The following RNF169 variants were observed in gnomAD, a reference collection of about 807,000 sequenced individuals.
RNF169 encodes the protein E3 ubiquitin-protein ligase RNF169.
RNF169 carries 24 observed loss-of-function variants against 53.9 expected under a neutral mutation model. The observed-to-expected ratio is 0.45, with a 90% CI of 0.32 to 0.63. The LOEUF (loss-of-function observed/expected upper bound fraction) is 0.63, where lower values mean the gene tolerates loss of function less well. RNF169 is among the 20% of genes least tolerant of loss of function. The pLI, the probability that RNF169 is intolerant of heterozygous loss-of-function variation, is 0.04. For missense variants in RNF169, 883 were observed against 906.2 expected, an observed-to-expected ratio of 0.97 and a Z score of 0.33; for synonymous variants, 396 against 363.5, an observed-to-expected ratio of 1.09 and a Z score of -1.02.
chr11:74,773,347 G>A (rs550692287), intron 1 of RNF169, among the ~76,000 whole-genome samples: 119 of 152,244 alleles, frequency 7.8e-4, no homozygotes, highest in African/African-American at 2.7e-3. Context: ...GAGATTTACT[G>A]TTCTGTTGCA....
At chr11:74,754,058 CAT>C (rs1218169070) in intron 1 of RNF169, among the ~76,000 whole-genome samples, 7 of 152,136 alleles carry the variant, frequency 4.6e-5, no homozygotes, top group African/African-American at 1.4e-4. Context: ...TATATATTGA[CAT>C]ATTAAATATT....
chr11:74,820,245 GGAA>G (rs2035991799), intron 4 of RNF169, among the ~76,000 whole-genome samples: 1 of 152,114 alleles, frequency 6.6e-6, no homozygotes, highest in Non-Finnish European at 1.5e-5. Flanking sequence ...GGAGTTTTAG[GGAA>G]GAAGTAGCAT....
chr11:74,750,456 T>C (rs2034869281), intron 1 of RNF169, among the ~76,000 whole-genome samples: 1 of 152,052 alleles, frequency 6.6e-6, no homozygotes, highest in Non-Finnish European at 1.5e-5. Context: ...AACCACAGGT[T>C]CTAGAATGCA....
rs890086052 is a variant in RNF169 at position 74,838,655 on chromosome 11, CA to C, written c.*1926del. On this transcript the variant is annotated 3_prime_UTR_variant, in exon 6 of 6. Coordinates refer to ENST00000299563, the MANE Select transcript of RNF169 (RefSeq NM_001098638.2). ...CATATGCAGATGTATGTTTTAAAAA[CA>C]TTTACCAAACTCATGATTTTGTAGT... The C allele has an allele frequency of 6.6e-6, 1 of 152,224 alleles. No individual in the cohort carries two copies. Among genetic ancestry groups the C allele is most frequent in the Non-Finnish European group, 1.5e-5 (1 of 68,038 alleles). The allele number at this position is 152,224 out of a possible 1,614,324, so 9.4% of individuals were successfully genotyped here.
At chr11:74,803,095 T>A (rs1329831297) in intron 2 of RNF169, among the ~76,000 whole-genome samples, 1 of 149,558 alleles carries the variant, frequency 6.7e-6, no homozygotes, top group Non-Finnish European at 1.5e-5. Context: ...TAATTTTCTT[T>A]TTTTTTTTTT....
chr11:74,790,062 G>T (rs1168439107), intron 2 of RNF169, among the ~76,000 whole-genome samples: 2 of 152,090 alleles, frequency 1.3e-5, no homozygotes, highest in Non-Finnish European at 2.9e-5. Context: ...ACATGTAGCT[G>T]GTGTTATCCA....
chr11:74,750,933 G>C (rs929156227), intron 1 of RNF169, among the ~76,000 whole-genome samples: 3 of 138,376 alleles, frequency 2.2e-5, no homozygotes, highest in African/African-American at 8.2e-5. Flanking sequence ...GAGTGCAGTG[G>C]CCAATCTCTC....
chr11:74,749,103 C>T lies in RNF169; in HGVS notation c.223C>T (p.Pro75Ser), dbSNP rs148370424. ...GGGCTGCGCCGGGTGCCTGGAGCCCCCCGGAGAAGCAGCGGCCCTGCCGTG... is the reference window on the plus strand; with the variant it reads ...GGGCTGCGCCGGGTGCCTGGAGCCCTCCGGAGAAGCAGCGGCCCTGCCGTG... ...ESGCAGCLEP[P>S]GEAAALPCGH... The change falls in exon 1 of 6, where the codon CCC becomes TCC. Residue 75 changes from proline to serine, a missense_variant. Around this residue, in one of 3 missense-constraint regions of RNF169, gnomAD observed 313 missense variants for 279.9 expected, o/e 1.12. Coordinates refer to ENST00000299563, the MANE Select transcript of RNF169 (RefSeq NM_001098638.2). 0.026 allele frequency: 36,981 copies of T among 1,420,920 alleles called. 782 individuals are homozygous for T. Among genetic ancestry groups the T allele is most frequent in the Non-Finnish European group, 0.027 (29,342 of 1,085,472 alleles). The allele number at this position is 1,420,920 out of a possible 1,614,324, so 88.0% of individuals were successfully genotyped here. A position where few individuals can be genotyped will look rare whatever the true frequency, so the allele number is the denominator to read the frequency against.
chr11:74,798,547 A>C (rs2035683170), intron 2 of RNF169, among the ~76,000 whole-genome samples: 1 of 152,102 alleles, frequency 6.6e-6, no homozygotes, highest in South Asian at 2.1e-4. Context: ...TAGCAATTTT[A>C]ATTTCGCCTC....
intron 2 of RNF169, among the ~76,000 whole-genome samples, chr11:74,809,438 G>C (rs542189629): frequency 1.3e-5 from 2 of 152,158 alleles, no homozygotes; most frequent in East Asian, 1.9e-4. Flanking sequence ...CTTTGCTCAC[G>C]GTCACCAAGG....
chr11:74,779,649 C>T (rs555034541), intron 1 of RNF169, among the ~76,000 whole-genome samples: 1 of 151,948 alleles, frequency 6.6e-6, no homozygotes, highest in Non-Finnish European at 1.5e-5. Flanking sequence ...GGGTTCAATT[C>T]TAGCTGATTT....
intron 2 of RNF169, among the ~76,000 whole-genome samples, chr11:74,801,398 A>G (rs2035727345): frequency 6.6e-6 from 1 of 152,188 alleles, no homozygotes; most frequent in South Asian, 2.1e-4. Flanking sequence ...GTGCCAAGTG[A>G]GAGTCCAGGA....
chr11:74,748,924 C>T lies in RNF169; in HGVS notation c.44C>T (p.Ala15Val), dbSNP rs958478453. ...AGTACTCGGGCCTCTTCCGCGGCGG[C>T]AGCAGCCGCTCTGAGTCGGCGGGGC... is the stretch of plus-strand genomic sequence containing the variant. ...GPSTRASSAA[A>V]AAALSRRGRR... is the part of the protein sequence containing the mutation. The change falls in exon 1 of 6, where the codon GCA becomes GTA. Residue 15 changes from alanine to valine, a missense_variant. By Grantham distance (64) the Ala-to-Val change is moderately conservative (BLOSUM62 0). This residue lies in a region of RNF169 where 313 missense variants were observed against 279.9 expected (regional missense o/e 1.12). Transcript: ENST00000299563. 15 of 1,450,390 alleles carry T rather than the reference C, an allele frequency of 1.0e-5. No individual in the cohort carries two copies. Among genetic ancestry groups the T allele is most frequent in the Middle Eastern group, 1.9e-4 (1 of 5,336 alleles). 89.8% of individuals were successfully genotyped at this position (1,450,390 alleles called of 1,614,324 possible). A position where few individuals can be genotyped will look rare whatever the true frequency, so the allele number is the denominator to read the frequency against.
At chr11:74,791,824 C>T (rs997321765) in intron 2 of RNF169, among the ~76,000 whole-genome samples, 1 of 152,200 alleles carries the variant, frequency 6.6e-6, no homozygotes, top group Non-Finnish European at 1.5e-5. Flanking sequence ...AGGGATCCCA[C>T]CTCTTCAACT....
At position 74,821,636 on chromosome 11, in the gene RNF169, C is replaced by T. The variant is rs1316210; in HGVS notation, c.842+3922C>T. Reference sequence around the variant, plus strand: ...TCCCGCCACTGCACTCCAGCCTGGGCGACAGAGCGAGACTCCGTCTCAAAA... The same window carrying T: ...TCCCGCCACTGCACTCCAGCCTGGGTGACAGAGCGAGACTCCGTCTCAAAA... On this transcript the variant is annotated intron_variant, in intron 4 of 5. Transcript: ENST00000299563. Among the ~76,000 whole-genome samples the T allele has an allele frequency of 1.3e-3, 64 of 51,064 alleles. 8 individuals carry two copies. The highest frequency in any genetic ancestry group is 0.019 in the Middle Eastern group (1 of 52). 33.5% of individuals were successfully genotyped at this position (51,064 alleles called of 152,430 possible).
At position 74,836,662 on chromosome 11, in the gene RNF169, G is replaced by A; in HGVS notation, c.2059G>A (p.Val687Met). ...QRMFDNERRT[V>M]SRRKGSVDQY... ...CATGTTCGACAATGAGAGGCGGACT[G>A]TGAGCCGGCGAAAAGGAAGTGTGGA... Residue 687 changes from valine to methionine, a missense_variant, in exon 6 of 6, where the codon GTG becomes ATG. Transcript: ENST00000299563. 6.2e-7 allele frequency: 1 copy of A among 1,613,786 alleles called. No individual in the cohort carries two copies. The highest frequency in any genetic ancestry group is 8.5e-7 in the Non-Finnish European group (1 of 1,180,038).
chr11:74,768,319 T>C (rs1289556592), intron 1 of RNF169, among the ~76,000 whole-genome samples: 5 of 152,204 alleles, frequency 3.3e-5, no homozygotes, highest in Admixed American at 3.3e-4. Context: ...AAAAAATTAT[T>C]TGTAGAGCCA....
chr11:74,823,908 CA>C (rs1256011406), intron 4 of RNF169, among the ~76,000 whole-genome samples: 2 of 152,016 alleles, frequency 1.3e-5, no homozygotes, highest in African/African-American at 4.8e-5. Context: ...GAACAAATAA[CA>C]GCTATAACAG....
At chr11:74,770,799 G>T (rs1028587459) in intron 1 of RNF169, among the ~76,000 whole-genome samples, 1 of 151,840 alleles carries the variant, frequency 6.6e-6, no homozygotes, top group African/African-American at 2.4e-5. Flanking sequence ...TGCATTTTTC[G>T]TTTTGTTTTG....
Sources: gnomAD v4.1 joint callset for allele counts (sites outside exome capture counted in the v4.1 genomes callset) on GRCh38, gnomAD v4.1.1 for gene constraint, gnomAD v4.1.1 regional missense constraint, MANE v1.5 for transcripts, NCBI Gene and HGNC (gene_info 2026-07-23, HGNC 2026-07-21) for gene names.